The following TJAP1 variants were observed in gnomAD, a reference collection of about 807,000 sequenced individuals.
TJAP1 encodes the protein tight junction associated protein 1.
A neutral mutation model predicts 42.0 loss-of-function variants in TJAP1; 27 were observed. The observed-to-expected ratio is 0.64, with a 90% CI of 0.47 to 0.89. The LOEUF is 0.89. Among genes scored for constraint, TJAP1 ranks in the 40% least tolerant of loss-of-function variants. TJAP1 has a pLI of 0.00. For missense variants in TJAP1, 712 were observed against 726.9 expected, an observed-to-expected ratio of 0.98 and a Z score of 0.24; for synonymous variants, 257 against 288.4, an observed-to-expected ratio of 0.89 and a Z score of 1.10.
Position 43,502,275 on chromosome 6 carries a change from C to A in TJAP1, c.291-8C>A. 6.2e-7 allele frequency: 1 copy of A among 1,613,884 alleles called. No individual in the cohort carries two copies. The highest frequency in any genetic ancestry group is 8.5e-7 in the Non-Finnish European group (1 of 1,179,982). On this transcript the variant is annotated splice_region_variant and splice_polypyrimidine_tract_variant and intron_variant, in intron 6 of 10. Transcript: ENST00000372449. ...CCCAGGGATGTGCCTTGTATTATCC[C>A]TTTTCAGGCTGCAGAACAGCTACAC... is the stretch of plus-strand genomic sequence containing the variant.
At chr6:43,480,243 T>C (rs1488881916) in intron 2 of TJAP1, among the ~76,000 whole-genome samples, 1 of 152,248 alleles carries the variant, frequency 6.6e-6, no homozygotes, top group Non-Finnish European at 1.5e-5. Flanking sequence ...TCTCTTTATA[T>C]AGATAGCATC....
chr6:43,501,154 C>T, intron 5 of TJAP1: 2 of 373,644 alleles, frequency 5.4e-6, no homozygotes, highest in Non-Finnish European at 9.7e-6. Context: ...AATGGAGAAG[C>T]CTGATTGTGC....
At chr6:43,503,313 C>T in intron 8 of TJAP1, 88 bp from the exon 9 acceptor site, 1 of 1,025,530 alleles carries the variant, frequency 9.8e-7, no homozygotes, top group Non-Finnish European at 1.5e-6. Flanking sequence ...CACCTGTGGC[C>T]TCTTGTGTCT....
At chr6:43,496,823 C>T (rs1789278852) in intron 2 of TJAP1, among the ~76,000 whole-genome samples, 1 of 152,206 alleles carries the variant, frequency 6.6e-6, no homozygotes, top group African/African-American at 2.4e-5. Flanking sequence ...ACTGCCTGAT[C>T]ACTGGTGGCT....
At chr6:43,499,883 C>T (rs1464844744) in intron 4 of TJAP1, among the ~76,000 whole-genome samples, 1 of 152,190 alleles carries the variant, frequency 6.6e-6, no homozygotes, top group Non-Finnish European at 1.5e-5. Flanking sequence ...AATTAAGATG[C>T]CAGCTATTAT....
rs1788003350 is a variant in TJAP1, at chr6:43,492,374, T to TG, written c.-121-5505dup. 6.6e-6 allele frequency among the ~76,000 whole-genome samples: 1 copy of TG among 152,110 alleles called. No individual in the cohort carries two copies. Among genetic ancestry groups the TG allele is most frequent in the Non-Finnish European group, 1.5e-5 (1 of 68,006 alleles). On this transcript the variant is annotated intron_variant, in intron 2 of 10. Transcript: ENST00000372449. The surrounding 1 kb of genome is among the most constrained non-coding windows in gnomAD (Gnocchi z 4.2). ...CCAGAGGGGTGGCGGGCATAGCTGT[T>TG]GGAGGGGCAGCAGGGCTGGTCTGGG...
At chr6:43,504,921 C>A (rs769621480) in exon 11 of TJAP1, 1 of 1,614,228 alleles carries the variant, frequency 6.2e-7, no homozygotes, top group Non-Finnish European at 8.5e-7. Flanking sequence ...CTCAATTCAG[C>A]CCAGTCAGGC....
chr6:43,481,483 C>A (rs80057280), intron 2 of TJAP1, among the ~76,000 whole-genome samples: 5 of 81,996 alleles, frequency 6.1e-5, no homozygotes, highest in African/African-American at 2.0e-4. Context: ...CAAGACATCA[C>A]CCCCCCCCCA....
chr6:43,502,199 C>T (rs1443975928), intron 6 of TJAP1, 84 bp from the exon 7 acceptor site: 2 of 1,411,552 alleles, frequency 1.4e-6, no homozygotes, highest in Admixed American at 1.8e-5. Context: ...ATGACATGTT[C>T]AAGATCCCCT....
chr6:43,503,281 C>T lies in TJAP1; in HGVS notation c.388-120C>T, dbSNP rs992192730. On this transcript the variant is annotated intron_variant, in intron 8 of 10. Transcript: ENST00000372449. The stretch of plus-strand genomic sequence containing the variant: ...TGTCTGTCCGTCATTTGTCTCTGCT[C>T]TGTCCGCCTTGGCTGCCCTAGCACC... 8 of 709,638 alleles carry T rather than the reference C, an allele frequency of 1.1e-5. No individual in the cohort carries two copies. The African/African-American group carries it at 1.2e-4, about 11-fold the overall frequency. 44.0% of individuals were successfully genotyped at this position (709,638 alleles called of 1,614,324 possible).
At chr6:43,498,371 G>A (rs1789712503) in intron 3 of TJAP1, among the ~76,000 whole-genome samples, 1 of 152,072 alleles carries the variant, frequency 6.6e-6, no homozygotes, top group Non-Finnish European at 1.5e-5. Flanking sequence ...TTTGAGCCTG[G>A]GCAACAAAGT....
chr6:43,493,134 C>T (rs774839311), intron 2 of TJAP1, among the ~76,000 whole-genome samples: 1 of 152,078 alleles, frequency 6.6e-6, no homozygotes, highest in Non-Finnish European at 1.5e-5. Context: ...AAAGCAGTAG[C>T]GATTACTAAC....
At chr6:43,489,652 C>G (rs773258193) in intron 2 of TJAP1, 4 of 152,188 alleles carry the variant, frequency 2.6e-5, no homozygotes, top group Non-Finnish European at 4.4e-5. Flanking sequence ...GAGCTGAGCC[C>G]CTTCTCCAAC....
In TJAP1 at chr6:43,498,920, C is replaced by G. The variant is rs1169067003; in HGVS notation, c.-24-58C>G. ...CCCTTTCACCATCTTTGTTTTTTCT[C>G]AGTCCAGAGTCCTTCTGGCCACATC... On this transcript the variant is annotated intron_variant, in intron 3 of 10. Transcript: ENST00000372449. 16 of 1,556,278 alleles carry G rather than the reference C, an allele frequency of 1.0e-5. No individual in the cohort carries two copies. In the Admixed American group the frequency reaches 2.8e-4, roughly 28 times the overall value.
Position 43,482,911 on chromosome 6 carries a change from C to T in TJAP1, c.-122+4679C>T, listed in dbSNP as rs148841993. ...GGCTGAGGTAGGTGAATCACGAGAT[C>T]AGGAGTTCGAGACCAGCCTGATGAA... is the stretch of plus-strand genomic sequence containing the variant. On this transcript the variant is annotated intron_variant, in intron 2 of 10. Transcript: ENST00000372449. 6.3e-3 allele frequency among the ~76,000 whole-genome samples: 957 copies of T among 152,230 alleles called. 12 individuals are homozygous for T. The highest frequency in any genetic ancestry group is 0.014 in the Middle Eastern group (4 of 294).
rs1442923464 is a variant in TJAP1, at chr6:43,498,849, T to A, written c.-24-129T>A. On this transcript the variant is annotated intron_variant, in intron 3 of 10. Coordinates refer to ENST00000372449, the Ensembl canonical transcript of TJAP1. ...AGTCCTGCCCCTCTAGTGACTCCAG[T>A]AATGGCCCAGGCCTGTCAGCCTATG... 1.8e-5 allele frequency: 17 copies of A among 966,324 alleles called. No homozygotes were observed. In the East Asian group the frequency reaches 4.8e-4, roughly 27 times the overall value. 59.9% of individuals were successfully genotyped at this position (966,324 alleles called of 1,614,324 possible).
chr6:43,483,795 A>T (rs146902008), intron 2 of TJAP1, among the ~76,000 whole-genome samples: 16 of 152,264 alleles, frequency 1.1e-4, no homozygotes, highest in African/African-American at 3.9e-4. Flanking sequence ...GTAGTAGCTC[A>T]CTCCTGAAAT....
chr6:43,499,014 G>A (rs777757437), exon 4 of TJAP1: 11 of 1,613,770 alleles, frequency 6.8e-6, no homozygotes, highest in African/African-American at 6.7e-5. Flanking sequence ...GACTAGTGCC[G>A]CCCCTGCTAA....
At chr6:43,479,250 C>G (rs1784818727) in intron 2 of TJAP1, among the ~76,000 whole-genome samples, 1 of 152,210 alleles carries the variant, frequency 6.6e-6, no homozygotes, top group African/African-American at 2.4e-5. Flanking sequence ...TGATCTAGAA[C>G]TCTTCATTTA....
Sources: gnomAD v4.1 joint callset for allele counts (sites outside exome capture counted in the v4.1 genomes callset) on GRCh38, gnomAD v4.1.1 for gene constraint, Gnocchi (gnomAD v3.1) non-coding constraint, MANE v1.5 for transcripts, NCBI Gene and HGNC (gene_info 2026-07-23, HGNC 2026-07-21) for gene names.